NEDD9: variants seen among roughly 807,000 people sequenced by gnomAD.
NEDD9 encodes the protein enhancer of filamentation 1.
Under a neutral mutation model 76.6 loss-of-function variants are expected in NEDD9, and 26 were observed. That is an observed-to-expected ratio of 0.34 (90% CI 0.25 to 0.47). The LOEUF is 0.47. Among genes scored for constraint, NEDD9 ranks in the 20% least tolerant of loss-of-function variants. The probability of loss-of-function intolerance (pLI) is 1.00; values close to 1 mark genes in which losing one functional copy is unlikely to be tolerated. For missense variants in NEDD9, 937 were observed against 1,058.5 expected (o/e 0.89, Z 1.59); for synonymous variants, 392 against 414.2 (o/e 0.95, Z 0.65).
intron 3 of NEDD9, among the ~76,000 whole-genome samples, chr6:11,268,909 T>A (rs1043370184): frequency 9.9e-5 from 15 of 152,188 alleles, no homozygotes; most frequent in Non-Finnish European, 2.1e-4. Context: ...GGATTTTACT[T>A]CTCTGTAAGA....
Position 11,185,541 on chromosome 6 carries a change from C to A in NEDD9, c.2126G>T (p.Cys709Phe). The stretch of plus-strand genomic sequence containing the variant: ...GGTCTCACATTGGTCATAGTAGAAG[C>A]ACAGCAACTGCCGATCCTGAGCACT... ...GVSAQDRQLL[C>F]FYYDQCETHF... The change falls in exon 7 of 7, where the codon TGC becomes TTC. Residue 709 changes from cysteine (C) to phenylalanine (F), a missense_variant. Cys to Phe is a radical substitution (Grantham distance 205). Coordinates refer to ENST00000379446, the MANE Select transcript of NEDD9 (RefSeq NM_006403.4). 1 of 1,614,200 alleles carries A rather than the reference C, an allele frequency of 6.2e-7. No individual in the cohort carries two copies. The highest frequency in any genetic ancestry group is 1.1e-5 in the South Asian group (1 of 91,074).
intron 2 of NEDD9, among the ~76,000 whole-genome samples, chr6:11,206,223 A>G (rs930891566): frequency 6.6e-6 from 1 of 152,078 alleles, no homozygotes; most frequent in Non-Finnish European, 1.5e-5. Context: ...GTTTGAGACC[A>G]GCCTGACCAA....
intron 2 of NEDD9, among the ~76,000 whole-genome samples, chr6:11,334,199 T>C (rs575930627): frequency 6.6e-6 from 1 of 152,328 alleles, no homozygotes; most frequent in African/African-American, 2.4e-5. Context: ...TGACTATATA[T>C]GTACATAGAT....
intron 3 of NEDD9, among the ~76,000 whole-genome samples, chr6:11,302,867 A>G (rs1255906452): frequency 1.3e-5 from 2 of 152,360 alleles, no homozygotes; most frequent in African/African-American, 4.8e-5. Flanking sequence ...AACGTATCTC[A>G]AAATAATAAG....
At chr6:11,209,492 T>C (rs1758708704) in intron 2 of NEDD9, among the ~76,000 whole-genome samples, 1 of 152,164 alleles carries the variant, frequency 6.6e-6, no homozygotes, top group Non-Finnish European at 1.5e-5. Flanking sequence ...GTACCTTCGG[T>C]GTGTCGTAAG....
intron 3 of NEDD9, among the ~76,000 whole-genome samples, chr6:11,248,101 G>A (rs183067471): frequency 1.4e-4 from 21 of 151,684 alleles, no homozygotes; most frequent in Middle Eastern, 3.4e-3. Flanking sequence ...CAATTTTTGG[G>A]ATATAGAGCT....
At chr6:11,367,474 G>A (rs1762788107) in intron 1 of NEDD9, among the ~76,000 whole-genome samples, 1 of 152,168 alleles carries the variant, frequency 6.6e-6, no homozygotes, top group South Asian at 2.1e-4. Context: ...AAGGAAATTT[G>A]ATCAGTCTCC....
At chr6:11,189,008 A>G (rs535868660) in intron 5 of NEDD9, among the ~76,000 whole-genome samples, 45 of 149,042 alleles carry the variant, frequency 3.0e-4, no homozygotes, top group Non-Finnish European at 5.0e-4. Context: ...GTCCAGTGGC[A>G]CGATCTTAGC....
At chr6:11,356,490 A>C (rs1762577656) in intron 1 of NEDD9, among the ~76,000 whole-genome samples, 1 of 152,210 alleles carries the variant, frequency 6.6e-6, no homozygotes, top group African/African-American at 2.4e-5. Context: ...TCATTGTTTG[A>C]GACACCATGT....
At chr6:11,365,592 C>T (rs1466256028) in intron 1 of NEDD9, among the ~76,000 whole-genome samples, 25 of 152,150 alleles carry the variant, frequency 1.6e-4, no homozygotes, top group Admixed American at 1.6e-3. Flanking sequence ...CCAAATCCTT[C>T]CCTGCAAGCA....
chr6:11,212,917 G>A (rs901426719), intron 2 of NEDD9, among the ~76,000 whole-genome samples: 1 of 152,188 alleles, frequency 6.6e-6, no homozygotes, highest in African/African-American at 2.4e-5. Context: ...GAGATTTGGT[G>A]TTTGTTCCAC....
chr6:11,334,448 A>T (rs1762109192), intron 2 of NEDD9: 1 of 152,214 alleles, frequency 6.6e-6, no homozygotes, highest in African/African-American at 2.4e-5. Context: ...TGTTTTCTCT[A>T]TTCATGCCAC....
At chr6:11,295,008 T>C (rs1402627494) in intron 3 of NEDD9, among the ~76,000 whole-genome samples, 1 of 152,258 alleles carries the variant, frequency 6.6e-6, no homozygotes, top group African/African-American at 2.4e-5. Context: ...CTCTCTTGCC[T>C]GCTGCCATGA....
intron 3 of NEDD9, among the ~76,000 whole-genome samples, chr6:11,288,548 G>A (rs534913516): frequency 2.6e-4 from 40 of 152,262 alleles, no homozygotes; most frequent in Admixed American, 7.2e-4. Flanking sequence ...AACAGGGAAC[G>A]TCTCATAAAG....
chr6:11,248,528 C>T (rs1456580266), intron 3 of NEDD9, among the ~76,000 whole-genome samples: 1 of 152,198 alleles, frequency 6.6e-6, no homozygotes, highest in Non-Finnish European at 1.5e-5. Flanking sequence ...TGATGTTGTA[C>T]AGAAAACGGC....
intron 1 of NEDD9, among the ~76,000 whole-genome samples, chr6:11,349,543 G>A (rs1394587403): frequency 6.6e-6 from 1 of 152,210 alleles, no homozygotes; most frequent in African/African-American, 2.4e-5. Context: ...ATGATAGACT[G>A]GATAAAGAAA....
Position 11,190,770 on chromosome 6 carries a change from G to A in NEDD9, c.1099C>T (p.Arg367Ter). 5 of 1,614,136 alleles carry A rather than the reference G, an allele frequency of 3.1e-6. No homozygotes were observed. Among genetic ancestry groups the A allele is most frequent in the Non-Finnish European group, 2.5e-6 (3 of 1,180,026 alleles). Residue 367 changes from arginine to a stop codon, truncating the protein, a stop_gained, in exon 5 of 7, where the codon CGA (arginine) becomes TGA (stop). Coordinates refer to ENST00000379446, the MANE Select transcript of NEDD9 (RefSeq NM_006403.4). LOFTEE classifies it high-confidence loss of function. The surrounding 1 kb of genome is among the most constrained non-coding windows in gnomAD (Gnocchi z 5.8). Reference sequence around the variant, plus strand: ...CTGCCTGTACTGGAGAAAGACAATCGGTTGATCCCATCCACCAAGTCCCGA... The same window carrying A: ...CTGCCTGTACTGGAGAAAGACAATCAGTTGATCCCATCCACCAAGTCCCGA... ...GSRDLVDGINRLSFSSTGSTR... is the reference protein window; with the variant it reads ...GSRDLVDGIN
At chr6:11,240,549 G>A (rs1357567941) in intron 3 of NEDD9, among the ~76,000 whole-genome samples, 1 of 152,228 alleles carries the variant, frequency 6.6e-6, no homozygotes, top group Non-Finnish European at 1.5e-5. Context: ...TAAGTGGAGT[G>A]ACTATGGCTA....
intron 2 of NEDD9, among the ~76,000 whole-genome samples, chr6:11,322,697 C>A (rs1435560202): frequency 6.6e-6 from 1 of 152,202 alleles, no homozygotes; most frequent in African/African-American, 2.4e-5. Flanking sequence ...ACTCAAGGGG[C>A]AGTCACCTGC....
Sources: allele counts gnomAD v4.1 joint callset (sites outside exome capture counted in the v4.1 genomes callset), GRCh38; gene constraint gnomAD v4.1.1; non-coding constraint Gnocchi (gnomAD v3.1); transcripts MANE v1.5; gene names NCBI Gene and HGNC (gene_info 2026-07-23, HGNC 2026-07-21).